GPAT3: variants seen among roughly 807,000 people sequenced by gnomAD.
GPAT3 encodes glycerol-3-phosphate acyltransferase 3.
In GPAT3, 53 loss-of-function variants were observed where a neutral mutation model predicts 58.8. The ratio of observed to expected loss-of-function variants is 0.90; its 90% CI spans 0.72 to 1.13. GPAT3 has a LOEUF of 1.13. Among genes scored for constraint, GPAT3 ranks in the 50% most tolerant of loss-of-function variants. The pLI, the probability that GPAT3 is intolerant of heterozygous loss-of-function variation, is 0.00. For synonymous variants in GPAT3, 197 were observed against 187.4 expected, an observed-to-expected ratio of 1.05 and a Z score of -0.42; for missense variants, 511 against 527.6, an observed-to-expected ratio of 0.97 and a Z score of 0.31.
intron 2 of GPAT3, among the ~76,000 whole-genome samples, chr4:83,571,503 T>G (rs1206032054): frequency 6.6e-6 from 1 of 151,884 alleles, no homozygotes; most frequent in Non-Finnish European, 1.5e-5. Flanking sequence ...AAAAATAACA[T>G]CTTAAGTATT....
At chr4:83,560,723 G>A (rs912345075) in intron 2 of GPAT3, among the ~76,000 whole-genome samples, 1 of 152,190 alleles carries the variant, frequency 6.6e-6, no homozygotes, top group African/African-American at 2.4e-5. Flanking sequence ...TTAGATCACA[G>A]GGGTAGGTTC....
chr4:83,563,478 C>CTTTTT (rs908400401), intron 2 of GPAT3, among the ~76,000 whole-genome samples: 50 of 114,458 alleles, frequency 4.4e-4, no homozygotes, highest in East Asian at 8.1e-4. Context: ...TTTCTTTCTT[C>CTTTTT]TTTTTTTTTT....
rs1308708529 is a variant in GPAT3, at chr4:83,598,191, C to T, written c.1125+12C>T. ...CCATGACCAGAGAGGTATTCCTTAGCTAACACTTTATCTAATCAGGTAGAG... is the reference window on the plus strand; with the variant it reads ...CCATGACCAGAGAGGTATTCCTTAGTTAACACTTTATCTAATCAGGTAGAG... On this transcript the variant is annotated intron_variant, in intron 10 of 11. Coordinates refer to ENST00000264409, the MANE Select transcript of GPAT3 (RefSeq NM_032717.5). 6 of 1,610,302 alleles carry T rather than the reference C, an allele frequency of 3.7e-6. No individual in the cohort carries two copies. Among genetic ancestry groups the T allele is most frequent in the Non-Finnish European group, 5.1e-6 (6 of 1,179,032 alleles).
At chr4:83,556,227 G>A (rs904223639) in intron 2 of GPAT3, among the ~76,000 whole-genome samples, 7 of 152,148 alleles carry the variant, frequency 4.6e-5, no homozygotes, top group Non-Finnish European at 5.9e-5. Flanking sequence ...GAGTTAATGT[G>A]GGCTGCCAGC....
At chr4:83,586,749 G>A (rs779245545) in intron 3 of GPAT3, among the ~76,000 whole-genome samples, 9 of 152,158 alleles carry the variant, frequency 5.9e-5, no homozygotes, top group Non-Finnish European at 1.2e-4. Context: ...GGAGGTTAGA[G>A]GTACTGTCAG....
chr4:83,593,111 C>T (rs1276270287), intron 6 of GPAT3, among the ~76,000 whole-genome samples: 1 of 150,996 alleles, frequency 6.6e-6, no homozygotes, highest in Non-Finnish European at 1.5e-5. Context: ...AGGTGATCCA[C>T]CCACCTTGGC....
chr4:83,562,901 A>G (rs781370727), intron 2 of GPAT3, among the ~76,000 whole-genome samples: 1 of 152,188 alleles, frequency 6.6e-6, no homozygotes, highest in African/African-American at 2.4e-5. Flanking sequence ...TCTCCCAAGA[A>G]TAATAGAAGT....
chr4:83,584,630 C>T (rs752324007), intron 3 of GPAT3, among the ~76,000 whole-genome samples: 8 of 152,146 alleles, frequency 5.3e-5, no homozygotes, highest in Non-Finnish European at 7.3e-5. Flanking sequence ...CTCAGCCTCT[C>T]GAGTAGCTGG....
chr4:83,565,671 T>C (rs1229572122), intron 2 of GPAT3, among the ~76,000 whole-genome samples: 1 of 152,086 alleles, frequency 6.6e-6, no homozygotes. Context: ...AATTTTTGTG[T>C]TGGGGAAACC....
At chr4:83,583,125 A>G (rs923720643) in intron 3 of GPAT3, among the ~76,000 whole-genome samples, 12 of 151,824 alleles carry the variant, frequency 7.9e-5, no homozygotes, top group African/African-American at 2.4e-4. Flanking sequence ...GTGAAACCTC[A>G]TCTCTACTAA....
At chr4:83,554,234 G>T (rs1724868260) in intron 2 of GPAT3, among the ~76,000 whole-genome samples, 1 of 152,094 alleles carries the variant, frequency 6.6e-6, no homozygotes, top group South Asian at 2.1e-4. Flanking sequence ...CTCAAGTGAT[G>T]CTCTTGCCTT....
chr4:83,576,412 TTTTATTTATTTA>T lies in GPAT3; in HGVS notation c.209-5117_209-5106del, dbSNP rs35514780. Among the ~76,000 whole-genome samples the T allele has an allele frequency of 6.4e-3, 913 of 142,680 alleles. 10 individuals are homozygous for T. The highest frequency in any genetic ancestry group is 0.02 in the African/African-American group (750 of 38,384). The allele number at this position is 142,680 out of a possible 152,430, so 93.6% of individuals were successfully genotyped here. On this transcript the variant is annotated intron_variant, in intron 2 of 11. Coordinates refer to ENST00000264409, the MANE Select transcript of GPAT3 (RefSeq NM_032717.5). ...GGATTGAAGGAGTGAGAAAATATCA[TTTTATTTATTTA>T]TTTATTTATTTATTTATTTATTTAT...
chr4:83,571,707 C>CAT (rs377150867), intron 2 of GPAT3, among the ~76,000 whole-genome samples: 4 of 150,592 alleles, frequency 2.7e-5, no homozygotes, highest in Admixed American at 1.3e-4. Flanking sequence ...TACACACACA[C>CAT]ATATATATAC....
At chr4:83,562,189 AT>A (rs1473454782) in intron 2 of GPAT3, among the ~76,000 whole-genome samples, 1 of 47,178 alleles carries the variant, frequency 2.1e-5, no homozygotes, top group Non-Finnish European at 3.6e-5. Context: ...TTATATATAT[AT>A]ATATATATAA....
At chr4:83,545,451 A>AT (rs1323429382) in intron 2 of GPAT3, among the ~76,000 whole-genome samples, 1 of 151,970 alleles carries the variant, frequency 6.6e-6, no homozygotes, top group Non-Finnish European at 1.5e-5. Flanking sequence ...ATTTAAAAAA[A>AT]AAAAAAAGTC....
At chr4:83,571,134 G>A (rs1195399666) in intron 2 of GPAT3, among the ~76,000 whole-genome samples, 2 of 152,138 alleles carry the variant, frequency 1.3e-5, no homozygotes, top group African/African-American at 4.8e-5. Flanking sequence ...CATGTTGCAT[G>A]AATCAGTGGA....
In GPAT3 at chr4:83,590,180, C is replaced by G; in HGVS notation, c.645-19C>G. The G allele has an allele frequency of 6.2e-7, 1 of 1,605,476 alleles. No individual in the cohort carries two copies. Among genetic ancestry groups the G allele is most frequent in the Non-Finnish European group, 8.5e-7 (1 of 1,174,852 alleles). ...GCTATTTTAGAAGACTTCGAATTTTCCATTGTTTGTAATTGCAGGCAGTAC... is the reference window on the plus strand; with the variant it reads ...GCTATTTTAGAAGACTTCGAATTTTGCATTGTTTGTAATTGCAGGCAGTAC... On this transcript the variant is annotated intron_variant, in intron 5 of 11. Transcript: ENST00000264409.
Position 83,594,924 on chromosome 4 carries a change from G to T in GPAT3, c.818G>T (p.Arg273Leu). Residue 273 changes from arginine to leucine, a missense_variant, in exon 7 of 12, where the codon CGC becomes CTC. By Grantham distance (102) the Arg-to-Leu change is moderately radical. Transcript: ENST00000264409. ...VKACPHVWFE[R>L]SEMKDRHLVT... Reference sequence around the variant, plus strand: ...GCTTGTCCTCATGTCTGGTTTGAACGCTCAGAAATGAAGGATCGACACCTG... The same window carrying T: ...GCTTGTCCTCATGTCTGGTTTGAACTCTCAGAAATGAAGGATCGACACCTG... 6.2e-7 allele frequency: 1 copy of T among 1,613,866 alleles called. No individual in the cohort carries two copies.
chr4:83,577,944 C>T (rs903880554), intron 2 of GPAT3, among the ~76,000 whole-genome samples: 1 of 151,846 alleles, frequency 6.6e-6, no homozygotes, highest in East Asian at 1.9e-4. Context: ...GGATTACAGG[C>T]GTGTGCCGCC....
Sources: allele counts gnomAD v4.1 joint callset (sites outside exome capture counted in the v4.1 genomes callset), GRCh38; gene constraint gnomAD v4.1.1; transcripts MANE v1.5; gene names NCBI Gene and HGNC (gene_info 2026-07-23, HGNC 2026-07-21).